MYT1: variants seen among roughly 807,000 people sequenced by gnomAD.
The protein encoded by MYT1 is myelin transcription factor I.
A neutral mutation model predicts 123.0 loss-of-function variants in MYT1; 23 were observed. The ratio of observed to expected loss-of-function variants is 0.19; its 90% confidence interval spans 0.13 to 0.26. The LOEUF is 0.26. Ranked by LOEUF, MYT1 falls within the 10% of genes least tolerant of loss-of-function variation. MYT1 has a pLI of 1.00. For synonymous variants in MYT1, 518 were observed against 575.3 expected, an observed-to-expected ratio of 0.90 and a Z score of 1.43; for missense variants, 1,125 against 1,472.5, an observed-to-expected ratio of 0.76 and a Z score of 3.86.
chr20:64,194,349 C>T, intron 2 of MYT1, among the ~76,000 whole-genome samples: 1 of 152,236 alleles, frequency 6.6e-6, no homozygotes, highest in East Asian at 1.9e-4. Flanking sequence ...TCCATTCACC[C>T]TCCCCATCCC....
intron 4 of MYT1, among the ~76,000 whole-genome samples, chr20:64,200,233 G>A (rs1019115212): frequency 4.6e-5 from 7 of 152,226 alleles, no homozygotes; most frequent in Admixed American, 3.3e-4. Flanking sequence ...AAAACAAGCC[G>A]CTCTCTTACC....
Position 64,214,317 on chromosome 20 carries a change from G to A in MYT1, c.1631+670G>A, listed in dbSNP as rs541659811. Among the ~76,000 whole-genome samples, 334 of 152,344 alleles carry A rather than the reference G, an allele frequency of 2.2e-3. 1 individual carries two copies. Among genetic ancestry groups the A allele is most frequent in the Non-Finnish European group, 3.8e-3 (261 of 68,030 alleles). ...CATGTGTATGTGAACACGTGGGAGC[G>A]TGTGTGTGCATGTTCACACGCCTGT... is the stretch of plus-strand genomic sequence containing the variant. On this transcript the variant is annotated intron_variant, in intron 10 of 22. Coordinates refer to ENST00000328439, the MANE Select transcript of MYT1 (RefSeq NM_004535.3).
intron 2 of MYT1, among the ~76,000 whole-genome samples, chr20:64,195,413 T>TTTTTTTTTA (rs1983087283): frequency 1.1e-4 from 16 of 143,666 alleles, no homozygotes; most frequent in South Asian, 2.2e-4. Flanking sequence ...TTTTTTTTTT[T>TTTTTTTTTA]GAGACGGAGT....
In MYT1 at chr20:64,217,688, C is replaced by A. The variant is rs375963812; in HGVS notation, c.1846+407C>A. On this transcript the variant is annotated intron_variant, in intron 11 of 22. Coordinates refer to ENST00000328439, the MANE Select transcript of MYT1 (RefSeq NM_004535.3). ...TGCAGCCGGCTGTCCATTTCCCAGC[C>A]CTGCCTCTGGGGAGGGTCAGACTGT... is the stretch of plus-strand genomic sequence containing the variant. Among the ~76,000 whole-genome samples, 336 of 152,348 alleles carry A rather than the reference C, an allele frequency of 2.2e-3. 19 individuals carry two copies. The South Asian group carries it at 0.067, about 30-fold the overall frequency.
At chr20:64,170,519 G>T (rs926854652) in intron 1 of MYT1, among the ~76,000 whole-genome samples, 2 of 152,096 alleles carry the variant, frequency 1.3e-5, no homozygotes, top group African/African-American at 4.8e-5. Flanking sequence ...TAAATGCTCA[G>T]TTGAGCAGTT....
intron 16 of MYT1, 145 bp downstream of exon 16, chr20:64,223,504 G>A (rs1984074236): frequency 1.1e-6 from 1 of 893,120 alleles, no homozygotes; most frequent in African/African-American, 1.6e-5. Context: ...AGAGGGGCAG[G>A]GCCGTGGAGG....
chr20:64,216,180 C>T (rs1983833380), intron 10 of MYT1, among the ~76,000 whole-genome samples: 1 of 152,228 alleles, frequency 6.6e-6, no homozygotes, highest in Non-Finnish European at 1.5e-5. Context: ...CTTAATTCCA[C>T]TGATTGTACA....
At chr20:64,205,835 C>T (rs200798087) in intron 6 of MYT1, 35 bp downstream of exon 6, 139 of 1,606,180 alleles carry the variant, frequency 8.7e-5, no homozygotes, top group Admixed American at 3.9e-4. Context: ...GAATAAAGGG[C>T]GCTTAGTGTG....
intron 19 of MYT1, 50 bp from the exon 20 acceptor site, chr20:64,236,505 C>T (rs779279965): frequency 4.7e-5 from 69 of 1,481,332 alleles, no homozygotes; most frequent in African/African-American, 7.1e-5. Flanking sequence ...CTGGGATGGT[C>T]GTGGTGGGTG....
At position 64,212,231 on chromosome 20, in the gene MYT1, C is replaced by T. The variant is rs1326620785; in HGVS notation, c.1517+93C>T. The stretch of plus-strand genomic sequence containing the variant: ...CCGTGGTGGGGGCCAGGGTGGGGGC[C>T]GTGGTGGGGGCCAGGGTGGGGGCCG... On this transcript the variant is annotated intron_variant, in intron 9 of 22. Coordinates refer to ENST00000328439, the MANE Select transcript of MYT1 (RefSeq NM_004535.3). This position sits in a 1 kb window ranked among gnomAD's most constrained non-coding sequence, Gnocchi z 6.8. 30 of 14,448 alleles carry T rather than the reference C, an allele frequency of 2.1e-3. 1 individual carries two copies. The highest frequency in any genetic ancestry group is 0.012 in the African/African-American group (28 of 2,344). 0.9% of individuals were successfully genotyped at this position (14,448 alleles called of 1,614,324 possible).
intron 1 of MYT1, among the ~76,000 whole-genome samples, chr20:64,184,972 G>T (rs1982756731): frequency 6.6e-6 from 1 of 152,230 alleles, no homozygotes; most frequent in Non-Finnish European, 1.5e-5. Flanking sequence ...CCGCAGTGAT[G>T]TCTAGTGGGC....
intron 10 of MYT1, among the ~76,000 whole-genome samples, chr20:64,214,118 C>A (rs1365547894): frequency 2.0e-5 from 3 of 152,208 alleles, no homozygotes; most frequent in Non-Finnish European, 2.9e-5. Context: ...CAGGGATAGA[C>A]CCCAAGTCAA....
At chr20:64,187,376 GGA>G (rs1239675358) in intron 1 of MYT1, among the ~76,000 whole-genome samples, 1 of 150,830 alleles carries the variant, frequency 6.6e-6, no homozygotes, top group Non-Finnish European at 1.5e-5. Flanking sequence ...ACGTTTCCGT[GGA>G]GAGTTTTCCT....
At chr20:64,215,978 C>G (rs1983828111) in intron 10 of MYT1, among the ~76,000 whole-genome samples, 1 of 152,130 alleles carries the variant, frequency 6.6e-6, no homozygotes, top group East Asian at 1.9e-4. Flanking sequence ...AGGATCCATC[C>G]TGGGGCTCCC....
intron 1 of MYT1, among the ~76,000 whole-genome samples, chr20:64,184,797 A>G (rs943877804): frequency 2.6e-5 from 4 of 152,194 alleles, no homozygotes; most frequent in African/African-American, 9.7e-5. Context: ...AGAGGGGAAG[A>G]GGAAAACCCC....
Position 64,192,319 on chromosome 20 carries a change from G to A in MYT1, c.-1+2159G>A, listed in dbSNP as rs994027765. Among the ~76,000 whole-genome samples, 2 of 152,194 alleles carry A rather than the reference G, an allele frequency of 1.3e-5. No homozygotes were observed. Among genetic ancestry groups the A allele is most frequent in the African/African-American group, 4.8e-5 (2 of 41,446 alleles). On this transcript the variant is annotated intron_variant, in intron 2 of 22. Transcript: ENST00000328439. The surrounding 1 kb of genome is among the most constrained non-coding windows in gnomAD (Gnocchi z 5.3). Reference sequence around the variant, plus strand: ...CAGAGAAGGCGAGAGGATGAGAAAGGGTCGACTGCCTAGAGGACAGTGGGG... The same window carrying A: ...CAGAGAAGGCGAGAGGATGAGAAAGAGTCGACTGCCTAGAGGACAGTGGGG...
intron 1 of MYT1, among the ~76,000 whole-genome samples, chr20:64,172,446 G>A (rs1477566377): frequency 2.0e-5 from 3 of 152,188 alleles, no homozygotes; most frequent in African/African-American, 7.2e-5. Flanking sequence ...CAGCGTGTGG[G>A]CTCATCCTGA....
Position 64,196,105 on chromosome 20 carries a change from G to A in MYT1, c.1-2757G>A, listed in dbSNP as rs757401847. On this transcript the variant is annotated intron_variant, in intron 2 of 22. Transcript: ENST00000328439. This position sits in a 1 kb window ranked among gnomAD's most constrained non-coding sequence, Gnocchi z 4.3. ...TTCACTCTCAAGGGGAGAGGTCACC[G>A]GGCTATCTGTGGGTTGCGCAAAAAA... 1.3e-5 allele frequency among the ~76,000 whole-genome samples: 2 copies of A among 152,214 alleles called. No individual in the cohort carries two copies. The highest frequency in any genetic ancestry group is 2.4e-5 in the African/African-American group (1 of 41,452).
chr20:64,223,450 C>A, intron 16 of MYT1, 91 bp downstream of exon 16: 2 of 1,422,786 alleles, frequency 1.4e-6, no homozygotes, highest in Non-Finnish European at 9.9e-7. Flanking sequence ...CAGCCTTCTC[C>A]AAGGTGCCAA....
Sources: allele counts gnomAD v4.1 joint callset (sites outside exome capture counted in the v4.1 genomes callset), GRCh38; gene constraint gnomAD v4.1.1; non-coding constraint Gnocchi (gnomAD v3.1); transcripts MANE v1.5; gene names NCBI Gene and HGNC (gene_info 2026-07-23, HGNC 2026-07-21).